TAMM41: variants seen among roughly 807,000 people sequenced by gnomAD.
TAMM41 encodes TAM41 mitochondrial translocator assembly and maintenance homolog, also known as phosphatidate cytidylyltransferase, mitochondrial.
TAMM41 carries 36 observed loss-of-function variants against 44.1 expected under a neutral mutation model. The observed-to-expected ratio is 0.82, with a 90% CI of 0.63 to 1.08. The LOEUF is 1.08. TAMM41 is among the 50% of genes least tolerant of loss of function. The pLI is 0.00. For synonymous variants in TAMM41, 164 were observed against 153.1 expected (o/e 1.07, Z -0.53); for missense variants, 417 against 404.3 (o/e 1.03, Z -0.27).
At chr3:11,776,478 A>T in the TAMM41 span, among the ~76,000 whole-genome samples, 1 of 152,048 alleles carries the variant, frequency 6.6e-6, no homozygotes, top group Admixed American at 6.6e-5. Flanking sequence ...ATGTGTGGAC[A>T]TGTCTAGACA....
At chr3:11,805,427 G>A (rs950352725) in intron 7 of TAMM41, among the ~76,000 whole-genome samples, 14 of 151,062 alleles carry the variant, frequency 9.3e-5, no homozygotes, top group Non-Finnish European at 1.8e-4. Context: ...GTGAGCCACC[G>A]CATCTGGCCT....
the TAMM41 span, among the ~76,000 whole-genome samples, chr3:11,749,548 G>A: frequency 6.6e-6 from 1 of 152,200 alleles, no homozygotes; most frequent in Non-Finnish European, 1.5e-5. Context: ...TCTGTTAACT[G>A]ACCTTTCTTT....
At chr3:11,758,894 G>C in the TAMM41 span, among the ~76,000 whole-genome samples, 1 of 149,470 alleles carries the variant, frequency 6.7e-6, no homozygotes, top group Admixed American at 6.7e-5. Flanking sequence ...GGCTGGTCTT[G>C]AACTCCTGAC....
chr3:11,833,384 A>G (rs2079059658), intron 3 of TAMM41, among the ~76,000 whole-genome samples: 1 of 152,244 alleles, frequency 6.6e-6, no homozygotes, highest in Admixed American at 6.5e-5. Context: ...TGTCACAAGG[A>G]GAGACTACTT....
the TAMM41 span, among the ~76,000 whole-genome samples, chr3:11,772,127 G>T: frequency 6.6e-6 from 1 of 151,278 alleles, no homozygotes; most frequent in East Asian, 2.0e-4. Flanking sequence ...CTGGAGTGCA[G>T]TTGTGCAATC....
At chr3:11,787,619 G>C (rs936957688), downstream of TAMM41, among the ~76,000 whole-genome samples, 1 of 152,144 alleles carries the variant, frequency 6.6e-6, no homozygotes, top group Admixed American at 6.5e-5. Flanking sequence ...CTCACCATCT[G>C]AACTGGATAG....
At chr3:11,744,854 T>TTTGCTA in the TAMM41 span, among the ~76,000 whole-genome samples, 1 of 146,094 alleles carries the variant, frequency 6.8e-6, no homozygotes, top group Non-Finnish European at 1.5e-5. Context: ...CTGCAAGACC[T>TTTGCTA]CATCTCTACA....
intron 7 of TAMM41, among the ~76,000 whole-genome samples, chr3:11,798,329 G>C (rs869146311): frequency 6.6e-6 from 1 of 152,088 alleles, no homozygotes; most frequent in African/African-American, 2.4e-5. Flanking sequence ...TAATAAAAAA[G>C]AGACCATGTC....
chr3:11,736,893 C>T, the TAMM41 span, among the ~76,000 whole-genome samples: 1 of 152,148 alleles, frequency 6.6e-6, no homozygotes, highest in Non-Finnish European at 1.5e-5. Flanking sequence ...GGCTAAGACA[C>T]AGGCTCAGCC....
At chr3:11,754,708 C>CTCTCTTTT in the TAMM41 span, among the ~76,000 whole-genome samples, 107 of 103,570 alleles carry the variant, frequency 1.0e-3, no homozygotes, top group Non-Finnish European at 1.6e-3. Flanking sequence ...TCTCAGATCT[C>CTCTCTTTT]TTTTTTTTTT....
At chr3:11,795,320 A>C (rs1208608717) in intron 7 of TAMM41, among the ~76,000 whole-genome samples, 1 of 152,206 alleles carries the variant, frequency 6.6e-6, no homozygotes, top group Non-Finnish European at 1.5e-5. Context: ...CCCTCTGCTC[A>C]GGGAATGAAT....
At chr3:11,820,928 C>G (rs1033964272) in intron 4 of TAMM41, among the ~76,000 whole-genome samples, 1 of 152,190 alleles carries the variant, frequency 6.6e-6, no homozygotes, top group Non-Finnish European at 1.5e-5. Context: ...AGTCAGGGAC[C>G]TCATTACAAG....
chr3:11,789,934 G>A (rs1291588677), downstream of TAMM41, among the ~76,000 whole-genome samples: 1 of 152,144 alleles, frequency 6.6e-6, no homozygotes, highest in Non-Finnish European at 1.5e-5. Flanking sequence ...GTTTCCTGTT[G>A]CCCAAACACG....
chr3:11,762,413 C>G, the TAMM41 span, among the ~76,000 whole-genome samples: 1 of 152,002 alleles, frequency 6.6e-6, no homozygotes, highest in African/African-American at 2.4e-5. Flanking sequence ...AGGATTTGAA[C>G]CTCAGTCTAC....
the TAMM41 span, among the ~76,000 whole-genome samples, chr3:11,754,536 T>A: frequency 8.0e-5 from 12 of 150,600 alleles, no homozygotes; most frequent in African/African-American, 2.2e-4. Flanking sequence ...GGCTGATTTT[T>A]AAAAAAATTT....
chr3:11,802,492 G>C (rs768655143), intron 7 of TAMM41, among the ~76,000 whole-genome samples: 3 of 152,092 alleles, frequency 2.0e-5, no homozygotes, highest in Non-Finnish European at 2.9e-5. Context: ...CTTCAAGATT[G>C]AACCAGGAAG....
At chr3:11,831,915 A>G (rs934860005) in intron 3 of TAMM41, among the ~76,000 whole-genome samples, 2 of 152,178 alleles carry the variant, frequency 1.3e-5, no homozygotes, top group African/African-American at 4.8e-5. Context: ...ATGGACCTTA[A>G]TTAAGCCTTT....
the TAMM41 span, among the ~76,000 whole-genome samples, chr3:11,778,912 T>A: frequency 6.6e-6 from 1 of 152,196 alleles, no homozygotes; most frequent in Non-Finnish European, 1.5e-5. Flanking sequence ...ATTCTTTAGG[T>A]TAGCCTTTCA....
At chr3:11,824,966 T>C (rs1227854169) in intron 4 of TAMM41, among the ~76,000 whole-genome samples, 1 of 151,152 alleles carries the variant, frequency 6.6e-6, no homozygotes, top group Non-Finnish European at 1.5e-5. Flanking sequence ...CCCACTGGGG[T>C]GGGTGTGGGG....
Sources: allele counts gnomAD v4.1 joint callset (sites outside exome capture counted in the v4.1 genomes callset), GRCh38; gene constraint gnomAD v4.1.1; transcripts MANE v1.5; gene names NCBI Gene and HGNC (gene_info 2026-07-23, HGNC 2026-07-21).